ZNF184: variants seen among roughly 807,000 people sequenced by gnomAD.
The protein encoded by ZNF184 is zinc finger protein 184 (Kruppel-like).
A neutral mutation model predicts 54.4 loss-of-function variants in ZNF184; 16 were observed. That is an observed-to-expected ratio of 0.29 (90% CI 0.20 to 0.45). The LOEUF is 0.45. Among genes scored for constraint, ZNF184 ranks in the 20% least tolerant of loss-of-function variants. The probability of loss-of-function intolerance (pLI) is 1.00; values close to 1 mark genes in which losing one functional copy is unlikely to be tolerated. For missense variants in ZNF184, 681 were observed against 888.2 expected (o/e 0.77, Z 2.97); for synonymous variants, 254 against 295.3 (o/e 0.86, Z 1.43).
In ZNF184 at chr6:27,452,872, T is replaced by C. The variant is rs763062679; in HGVS notation, c.687A>G (p.Lys229=). 6.2e-7 allele frequency: 1 copy of C among 1,614,180 alleles called. No individual in the cohort carries two copies. The highest frequency in any genetic ancestry group is 8.5e-7 in the Non-Finnish European group (1 of 1,180,014). ...TAAGAGCTGAACAATAACTAAAGGC[T>C]TTCCCACATTCATTGCACTTACAAG... ...EKSCKCNECG[K]AFSYCSALIR... Residue 229 remains lysine, a synonymous_variant, in exon 6 of 6, where the codon AAA becomes AAG. Transcript: ENST00000683788. This position sits in a 1 kb window ranked among gnomAD's most constrained non-coding sequence, Gnocchi z 5.5.
the ZNF184 span, among the ~76,000 whole-genome samples, chr6:27,424,972 G>A: frequency 6.6e-6 from 1 of 152,340 alleles, no homozygotes; most frequent in Admixed American, 6.5e-5. Context: ...GGCCTGCCCC[G>A]CGGGAAGGCA....
At chr6:27,447,697 G>C (rs1016279091), downstream of ZNF184, among the ~76,000 whole-genome samples, 1 of 152,170 alleles carries the variant, frequency 6.6e-6, no homozygotes, top group East Asian at 1.9e-4. Flanking sequence ...TGGGTGACAA[G>C]AGTGAAACTC....
chr6:27,463,374 G>T lies in ZNF184; in HGVS notation c.75+4479C>A, dbSNP rs112074466. Among the ~76,000 whole-genome samples, 70 of 151,090 alleles carry T rather than the reference G, an allele frequency of 4.6e-4. 2 individuals carry two copies. Among genetic ancestry groups the T allele is most frequent in the African/African-American group, 1.6e-3 (66 of 41,292 alleles). On this transcript the variant is annotated intron_variant, in intron 3 of 5. Coordinates refer to ENST00000683788, the MANE Select transcript of ZNF184 (RefSeq NM_001318891.2). The stretch of plus-strand genomic sequence containing the variant: ...AATTCACCAGTTAGTATTAACAGAA[G>T]AGTAAGCTTTGAAGAAGAGAGATTA...
intron 5 of ZNF184, among the ~76,000 whole-genome samples, chr6:27,455,144 C>T (rs959551014): frequency 5.9e-5 from 9 of 152,134 alleles, no homozygotes; most frequent in African/African-American, 1.9e-4. Flanking sequence ...AGCCAACTCA[C>T]CAGCTAAGAA....
chr6:27,463,959 G>A (rs1455119697), intron 3 of ZNF184, among the ~76,000 whole-genome samples: 2 of 151,866 alleles, frequency 1.3e-5, no homozygotes, highest in African/African-American at 4.8e-5. Flanking sequence ...TCGACACCAG[G>A]GTTTCTCAAC....
Position 27,454,705 on chromosome 6 carries a change from C to T in ZNF184, c.299-1445G>A, listed in dbSNP as rs117263955. On this transcript the variant is annotated intron_variant, in intron 5 of 5. Coordinates refer to ENST00000683788, the MANE Select transcript of ZNF184 (RefSeq NM_001318891.2). ...TATTGTCATGTCCTCTACTCAATAA[C>T]CAACAGAATTACTAGAATATAAGGG... 1.8e-4 allele frequency among the ~76,000 whole-genome samples: 28 copies of T among 152,218 alleles called. No homozygotes were observed. The East Asian group carries it at 5.4e-3, about 29-fold the overall frequency.
rs893259820 is a variant in ZNF184, at chr6:27,459,291, C to T, written c.76-1882G>A. ...TCAAGGTGATGGATATGCTAATTATCCTGATTTTATCATTACACATTGTAT... is the reference window on the plus strand; with the variant it reads ...TCAAGGTGATGGATATGCTAATTATTCTGATTTTATCATTACACATTGTAT... On this transcript the variant is annotated intron_variant, in intron 3 of 5. Transcript: ENST00000683788. Among the ~76,000 whole-genome samples the T allele has an allele frequency of 1.3e-4, 20 of 152,206 alleles. No homozygotes were observed. The South Asian group carries it at 1.7e-3, about 13-fold the overall frequency.
chr6:27,410,466 G>C, the ZNF184 span, among the ~76,000 whole-genome samples: 6 of 152,208 alleles, frequency 3.9e-5, no homozygotes, highest in East Asian at 1.2e-3. Context: ...GAATTTCATA[G>C]CTACATGATG....
At chr6:27,437,415 G>A in the ZNF184 span, among the ~76,000 whole-genome samples, 4 of 152,166 alleles carry the variant, frequency 2.6e-5, no homozygotes, top group African/African-American at 9.7e-5. Context: ...AGAAAATGGG[G>A]ATCTCAGTCC....
the ZNF184 span, among the ~76,000 whole-genome samples, chr6:27,444,069 A>G: frequency 6.6e-6 from 1 of 152,076 alleles, no homozygotes; most frequent in African/African-American, 2.4e-5. Context: ...ATTTGGTACT[A>G]CCCTCCAATC....
At position 27,457,393 on chromosome 6, in the gene ZNF184, T is replaced by C. The variant is rs1310854527; in HGVS notation, c.92A>G (p.Lys31Arg). The change falls in exon 4 of 6, where the codon AAG (lysine) becomes AGG (arginine). Residue 31 changes from lysine (K) to arginine (R), a missense_variant. Transcript: ENST00000683788. Reference sequence around the variant, plus strand: ...CTGGGTAAAGTCCACTATCACATCCTTGAAAGTCACCGCTTCCTGAAATAC... The same window carrying C: ...CTGGGTAAAGTCCACTATCACATCCCTGAAAGTCACCGCTTCCTGAAATAC... ...SASFQEAVTF[K>R]DVIVDFTQEE... The C allele has an allele frequency of 3.1e-6, 5 of 1,613,916 alleles. No individual in the cohort carries two copies. The highest frequency in any genetic ancestry group is 1.3e-5 in the African/African-American group (1 of 75,028).
the ZNF184 span, among the ~76,000 whole-genome samples, chr6:27,441,012 TAAATAAATA>T: frequency 6.6e-6 from 1 of 151,316 alleles, no homozygotes; most frequent in African/African-American, 2.4e-5. Flanking sequence ...CTCAAAAAAA[TAAATAAATA>T]AAATAAATAA....
At chr6:27,445,877 T>A (rs1762631223), downstream of ZNF184, among the ~76,000 whole-genome samples, 1 of 152,178 alleles carries the variant, frequency 6.6e-6, no homozygotes, top group African/African-American at 2.4e-5. Flanking sequence ...TAGGGCCTTA[T>A]AAAGTGCAGA....
rs1763183196 is a variant in ZNF184 at position 27,467,937 on chromosome 6, G to A, written c.8-17C>T. ...AGGACAGATCTAGGGGGAGAAGCAGGAGCCATATGACTTCTGTTCAATTTA... is the reference window on the plus strand; with the variant it reads ...AGGACAGATCTAGGGGGAGAAGCAGAAGCCATATGACTTCTGTTCAATTTA... On this transcript the variant is annotated splice_polypyrimidine_tract_variant and intron_variant, in intron 2 of 5. Transcript: ENST00000683788. 3 of 1,569,048 alleles carry A rather than the reference G, an allele frequency of 1.9e-6. No individual in the cohort carries two copies. In the Middle Eastern group the frequency reaches 5.1e-4, roughly 266 times the overall value.
intron 3 of ZNF184, among the ~76,000 whole-genome samples, chr6:27,462,347 G>A (rs113039233): frequency 0.27 from 40,824 of 151,280 alleles, 5,718 homozygotes; most frequent in African/African-American, 0.32. Context: ...GCAGGTGCCC[G>A]CCACCACACC....
intron 2 of ZNF184, among the ~76,000 whole-genome samples, chr6:27,470,374 A>T (rs1450276625): frequency 1.3e-5 from 2 of 152,322 alleles, no homozygotes; most frequent in South Asian, 4.1e-4. Flanking sequence ...AGCAGTTTCA[A>T]CTGTTTGGCT....
At chr6:27,441,825 TATTA>T in the ZNF184 span, among the ~76,000 whole-genome samples, 7 of 152,214 alleles carry the variant, frequency 4.6e-5, no homozygotes. Context: ...AATGCTAATT[TATTA>T]ATTAACAATG....
intron 2 of ZNF184, among the ~76,000 whole-genome samples, chr6:27,471,373 A>G (rs1763271251): frequency 2.0e-5 from 3 of 152,234 alleles, no homozygotes; most frequent in South Asian, 4.1e-4. Context: ...TAATAATTCC[A>G]TTACACAAAA....
chr6:27,408,377 T>TA, the ZNF184 span, among the ~76,000 whole-genome samples: 1 of 151,288 alleles, frequency 6.6e-6, no homozygotes, highest in Admixed American at 6.6e-5. Flanking sequence ...CGTTTTTCAG[T>TA]AACAGTGAAG....
Sources: allele counts gnomAD v4.1 joint callset (sites outside exome capture counted in the v4.1 genomes callset), GRCh38; gene constraint gnomAD v4.1.1; non-coding constraint Gnocchi (gnomAD v3.1); transcripts MANE v1.5; gene names NCBI Gene and HGNC (gene_info 2026-07-23, HGNC 2026-07-21).